The following THSD7B variants were observed in gnomAD, a reference collection of about 807,000 sequenced individuals.
THSD7B encodes thrombospondin type-1 domain-containing protein 7B.
In THSD7B, 138 loss-of-function variants were observed where a neutral mutation model predicts 213.6. The observed-to-expected ratio is 0.65, with a 90% confidence interval of 0.56 to 0.74. THSD7B has a LOEUF of 0.74. Ranked by LOEUF, THSD7B falls within the 30% of genes least tolerant of loss-of-function variation. The probability of loss-of-function intolerance (pLI) is 0.00; values close to 1 mark genes in which losing one functional copy is unlikely to be tolerated. For synonymous variants in THSD7B, 742 were observed against 687.0 expected (o/e 1.08, Z -1.25); for missense variants, 1,931 against 1,991.5 (o/e 0.97, Z 0.58).
intron 6 of THSD7B, 45 bp downstream of exon 6, chr2:137,160,413 A>G (rs1395814416): frequency 3.8e-6 from 6 of 1,599,610 alleles, no homozygotes; most frequent in African/African-American, 1.3e-5. Context: ...TCAGCGTACA[A>G]ACATTTATTC....
intron 15 of THSD7B, among the ~76,000 whole-genome samples, chr2:137,525,616 A>G (rs1680263769): frequency 6.6e-6 from 1 of 152,204 alleles, no homozygotes; most frequent in Non-Finnish European, 1.5e-5. Flanking sequence ...TGTGAGCCAC[A>G]TTTTGAACAT....
intron 2 of THSD7B, among the ~76,000 whole-genome samples, chr2:136,961,367 C>A (rs1272281602): frequency 6.6e-6 from 1 of 151,396 alleles, no homozygotes; most frequent in Non-Finnish European, 1.5e-5. Flanking sequence ...ACTACAGGCA[C>A]AACCACCATG....
chr2:137,010,093 G>A (rs1686198667), intron 2 of THSD7B, among the ~76,000 whole-genome samples: 1 of 152,074 alleles, frequency 6.6e-6, no homozygotes, highest in East Asian at 1.9e-4. Context: ...TAACTATGCA[G>A]TTCTAGCCTA....
chr2:137,442,207 T>A (rs1687427135), intron 14 of THSD7B, among the ~76,000 whole-genome samples: 1 of 152,142 alleles, frequency 6.6e-6, no homozygotes. Context: ...TCCTGAAATA[T>A]ATATATATAA....
At chr2:136,920,993 C>A (rs1017225817) in intron 2 of THSD7B, among the ~76,000 whole-genome samples, 6 of 152,094 alleles carry the variant, frequency 3.9e-5, no homozygotes, top group African/African-American at 1.4e-4. Context: ...GCTTCCTGGG[C>A]CCCTGAGAGC....
chr2:137,470,818 A>C (rs558739659), intron 15 of THSD7B, among the ~76,000 whole-genome samples: 1 of 152,166 alleles, frequency 6.6e-6, no homozygotes, highest in African/African-American at 2.4e-5. Flanking sequence ...TGAATCTGAG[A>C]ATGTCTATAG....
At chr2:137,102,714 A>G (rs1038782050) in intron 4 of THSD7B, among the ~76,000 whole-genome samples, 4 of 152,174 alleles carry the variant, frequency 2.6e-5, no homozygotes, top group African/African-American at 9.7e-5. Flanking sequence ...GATCTGAAAA[A>G]CACAGCATGA....
At chr2:137,408,475 G>A (rs1686578322) in intron 13 of THSD7B, among the ~76,000 whole-genome samples, 1 of 152,052 alleles carries the variant, frequency 6.6e-6, no homozygotes, top group Admixed American at 6.6e-5. Flanking sequence ...CAGAGCTTGC[G>A]ATCTAATTGG....
chr2:137,263,495 G>A (rs1200190737), intron 10 of THSD7B, among the ~76,000 whole-genome samples: 1 of 152,028 alleles, frequency 6.6e-6, no homozygotes. Flanking sequence ...CTTGTCTGTT[G>A]CCAGATCCAT....
At chr2:136,799,656 G>A (rs984543959) in intron 1 of THSD7B, among the ~76,000 whole-genome samples, 7 of 151,624 alleles carry the variant, frequency 4.6e-5, no homozygotes, top group African/African-American at 1.7e-4. Context: ...CAAAAACATA[G>A]TTATGTATAT....
Position 136,910,550 on chromosome 2 carries a change from G to A in THSD7B, c.139+28233G>A, listed in dbSNP as rs370733006. ...TTGTACAGATATAACTTAAGTAGCC[G>A]AAAAATTGATGGTCCTGAGGTGTTA... On this transcript the variant is annotated intron_variant, in intron 2 of 27. Transcript: ENST00000409968. Among the ~76,000 whole-genome samples, 16 of 152,234 alleles carry A rather than the reference G, an allele frequency of 1.1e-4. 1 individual carries two copies. The highest frequency in any genetic ancestry group is 4.6e-4 in the Admixed American group (7 of 15,284).
chr2:136,820,996 A>T (rs1682555756), intron 1 of THSD7B, among the ~76,000 whole-genome samples: 1 of 152,186 alleles, frequency 6.6e-6, no homozygotes, highest in South Asian at 2.1e-4. Flanking sequence ...ATACAAACTT[A>T]CAGATAATTG....
intron 10 of THSD7B, among the ~76,000 whole-genome samples, chr2:137,246,292 T>G (rs550467698): frequency 6.6e-6 from 1 of 152,284 alleles, no homozygotes; most frequent in South Asian, 2.1e-4. Flanking sequence ...TCTGTGGTCT[T>G]CAAAGTTGAC....
chr2:137,503,251 T>C (rs996611862), intron 15 of THSD7B, among the ~76,000 whole-genome samples: 1 of 152,218 alleles, frequency 6.6e-6, no homozygotes, highest in African/African-American at 2.4e-5. Context: ...GTGAGTTGTA[T>C]ACACTTGTGT....
At chr2:136,945,448 T>G (rs1684920180) in intron 2 of THSD7B, among the ~76,000 whole-genome samples, 1 of 152,230 alleles carries the variant, frequency 6.6e-6, no homozygotes, top group African/African-American at 2.4e-5. Context: ...ATTATGTGTC[T>G]TTGGGTTGCT....
intron 12 of THSD7B, among the ~76,000 whole-genome samples, chr2:137,372,323 CTTTTTT>C (rs55635315): frequency 2.3e-4 from 13 of 57,542 alleles, no homozygotes; most frequent in South Asian, 1.3e-3. Flanking sequence ...TGATAATACT[CTTTTTT>C]TTTTTTTTTT....
chr2:137,066,456 A>C (rs1687383991), intron 3 of THSD7B, among the ~76,000 whole-genome samples: 2 of 151,998 alleles, frequency 1.3e-5, no homozygotes, highest in African/African-American at 2.4e-5. Context: ...GGCCTCCCAA[A>C]GTGCTGAGAT....
rs999353061 is a variant in THSD7B at position 136,867,457 on chromosome 2, C to A, written c.-35-14687C>A. On this transcript the variant is annotated intron_variant, in intron 1 of 27. Transcript: ENST00000409968. ...TTAATGGACCTTCCCCTTTTTCTTA[C>A]CCACACTTTTCTGCCCTTATAACTG... Among the ~76,000 whole-genome samples the A allele has an allele frequency of 2.2e-4, 34 of 152,114 alleles. 1 individual carries two copies. Among genetic ancestry groups the A allele is most frequent in the African/African-American group, 8.0e-4 (33 of 41,424 alleles).
chr2:137,356,957 C>CACACACAG (rs1181418831), intron 12 of THSD7B, among the ~76,000 whole-genome samples: 214 of 117,508 alleles, frequency 1.8e-3, no homozygotes, highest in African/African-American at 6.4e-3. Flanking sequence ...TACACACACA[C>CACACACAG]ACACACACAG....
Sources: gnomAD v4.1 joint callset for allele counts (sites outside exome capture counted in the v4.1 genomes callset) on GRCh38, gnomAD v4.1.1 for gene constraint, MANE v1.5 for transcripts, NCBI Gene and HGNC (gene_info 2026-07-23, HGNC 2026-07-21) for gene names.